TP73: variants seen among roughly 807,000 people sequenced by gnomAD.
The protein encoded by TP73 is tumor protein p73.
In TP73, 25 loss-of-function variants were observed where a neutral mutation model predicts 62.5. The observed-to-expected ratio is 0.40, with a 90% CI of 0.29 to 0.56. The LOEUF (loss-of-function observed/expected upper bound fraction) is 0.56, where lower values mean the gene tolerates loss of function less well. TP73 is among the 20% of genes least tolerant of loss of function. The pLI is 0.46. For synonymous variants in TP73, 423 were observed against 377.5 expected (o/e 1.12, Z -1.40); for missense variants, 754 against 913.3 (o/e 0.83, Z 2.25).
rs755215007 is a variant in TP73, at chr1:3,733,476, C to G, written c.*397C>G. Reference sequence around the variant, plus strand: ...CGAGGTCCTTCCAAAGGAAAGGATCCTCTTTGCTGATGGACTGCCAAAAAG... The same window carrying G: ...CGAGGTCCTTCCAAAGGAAAGGATCGTCTTTGCTGATGGACTGCCAAAAAG... On this transcript the variant is annotated 3_prime_UTR_variant, in exon 14 of 14. Transcript: ENST00000378295. 3 of 259,260 alleles carry G rather than the reference C, an allele frequency of 1.2e-5. No individual in the cohort carries two copies. The South Asian group carries it at 2.8e-4, about 24-fold the overall frequency. The allele number at this position is 259,260 out of a possible 1,614,324, so 16.1% of individuals were successfully genotyped here.
intron 4 of TP73, among the ~76,000 whole-genome samples, chr1:3,718,303 C>CG (rs1640781071): frequency 6.6e-6 from 1 of 152,200 alleles, no homozygotes; most frequent in South Asian, 2.1e-4. Flanking sequence ...AGTGCAGAGA[C>CG]GGGAGCACGC....
chr1:3,718,438 C>A (rs2124459701), intron 4 of TP73, among the ~76,000 whole-genome samples: 1 of 152,274 alleles, frequency 6.6e-6, no homozygotes, highest in South Asian at 2.1e-4. Context: ...CTCAGCAGGG[C>A]GCTGCTGAGA....
rs375387756 is a variant in TP73 at position 3,729,980 on chromosome 1, G to A, written c.1197-20G>A. ...AGGCTGCCTTGCTTCCCACCCATGC[G>A]AGCCGTTGCTTCTGAGCAGGAGTCA... On this transcript the variant is annotated intron_variant, in intron 10 of 13. Coordinates refer to ENST00000378295, the MANE Select transcript of TP73 (RefSeq NM_005427.4). The A allele has an allele frequency of 4.2e-5, 66 of 1,569,450 alleles. No individual in the cohort carries two copies. The African/African-American group carries it at 6.1e-4, about 14-fold the overall frequency.
chr1:3,702,220 C>T (rs1438409121), intron 3 of TP73, among the ~76,000 whole-genome samples: 1 of 152,164 alleles, frequency 6.6e-6, no homozygotes, highest in African/African-American at 2.4e-5. Context: ...CTCCCCCACA[C>T]TGCTCCTCTC....
intron 1 of TP73, among the ~76,000 whole-genome samples, chr1:3,653,005 CG>C (rs1644789015): frequency 6.6e-6 from 1 of 152,118 alleles, no homozygotes; most frequent in Admixed American, 6.5e-5. Context: ...GGGAAGAGGC[CG>C]GGGTGCGGGG....
rs115433433 is a variant in TP73 at position 3,731,373 on chromosome 1, G to C, written c.1485-90G>C. 1,831 of 1,344,898 alleles carry C rather than the reference G, an allele frequency of 1.4e-3. 19 individuals are homozygous for C. The African/African-American group carries it at 0.023, about 17-fold the overall frequency. The allele number at this position is 1,344,898 out of a possible 1,614,324, so 83.3% of individuals were successfully genotyped here. On this transcript the variant is annotated intron_variant, in intron 12 of 13. Coordinates refer to ENST00000378295, the MANE Select transcript of TP73 (RefSeq NM_005427.4). ...CCCTTCGGAGACAGCGGCAGTCTCC[G>C]CCCCAGCCAGGCCACTCTCAGAGAT...
intron 9 of TP73, among the ~76,000 whole-genome samples, chr1:3,728,946 C>A (rs1368935902): frequency 6.6e-6 from 1 of 152,142 alleles, no homozygotes; most frequent in Non-Finnish European, 1.5e-5. Context: ...TATGATGATG[C>A]CACTGCACTC....
At position 3,730,029 on chromosome 1, in the gene TP73, C is replaced by T. The variant is rs146810167; in HGVS notation, c.1226C>T (p.Pro409Leu). ...PSHLQPPSYGPVLSPMNKVHG... is the reference protein window; with the variant it reads ...PSHLQPPSYGLVLSPMNKVHG... ...CACCTACAGCCCCCGTCCTACGGGC[C>T]GGTCCTCTCGCCCATGAACAAGGTG... The change falls in exon 11 of 14, where the codon CCG becomes CTG. Residue 409 changes from proline to leucine, a missense_variant. Physicochemically the swap from Pro to Leu is moderately conservative, Grantham distance 98. This residue lies in a region of TP73 where 458 missense variants were observed against 528.7 expected (regional missense o/e 0.87). Coordinates refer to ENST00000378295, the MANE Select transcript of TP73 (RefSeq NM_005427.4). 5.0e-6 allele frequency: 8 copies of T among 1,608,786 alleles called. No individual in the cohort carries two copies. Among genetic ancestry groups the T allele is most frequent in the African/African-American group, 4.0e-5 (3 of 74,886 alleles).
intron 6 of TP73, among the ~76,000 whole-genome samples, chr1:3,724,756 C>T (rs1300291416): frequency 2.6e-5 from 4 of 152,362 alleles, no homozygotes; most frequent in African/African-American, 4.8e-5. Context: ...CAGTGGCTCA[C>T]GCCTGTAATC....
chr1:3,711,471 AG>A (rs1262153105), intron 4 of TP73, among the ~76,000 whole-genome samples: 1 of 152,266 alleles, frequency 6.6e-6, no homozygotes, highest in Non-Finnish European at 1.5e-5. Flanking sequence ...CTGTCAGAAC[AG>A]CCCGACGCGA....
chr1:3,665,897 G>C (rs1381238641), intron 1 of TP73, among the ~76,000 whole-genome samples: 1 of 148,736 alleles, frequency 6.7e-6, no homozygotes, highest in Non-Finnish European at 1.5e-5. Context: ...CACTTTGGGA[G>C]GCCAAGGCAG....
chr1:3,689,658 C>T (rs911508918), intron 3 of TP73, among the ~76,000 whole-genome samples: 2 of 152,132 alleles, frequency 1.3e-5, no homozygotes, highest in African/African-American at 4.8e-5. Flanking sequence ...AGGAAGGAAG[C>T]TGGGGAGATG....
At chr1:3,700,988 A>G (rs967734629) in intron 3 of TP73, among the ~76,000 whole-genome samples, 1 of 152,126 alleles carries the variant, frequency 6.6e-6, no homozygotes, top group Non-Finnish European at 1.5e-5. Context: ...CCCGCCCTCC[A>G]CATTCTGAGG....
rs1645258582 is a variant in TP73 at position 3,672,261 on chromosome 1, G to A, written c.-33-10072G>A. 6.6e-6 allele frequency among the ~76,000 whole-genome samples: 1 copy of A among 152,172 alleles called. No homozygotes were observed. Among genetic ancestry groups the A allele is most frequent in the South Asian group, 2.1e-4 (1 of 4,836 alleles). Reference sequence around the variant, plus strand: ...GCTTGAGAAGGGTCATTCTCTCTTGGTTGGAGGAGTGGAAGTGCTTCTCTG... The same window carrying A: ...GCTTGAGAAGGGTCATTCTCTCTTGATTGGAGGAGTGGAAGTGCTTCTCTG... On this transcript the variant is annotated intron_variant, in intron 1 of 13. Transcript: ENST00000378295. This position sits in a 1 kb window ranked among gnomAD's most constrained non-coding sequence, Gnocchi z 5.3.
chr1:3,686,347 A>T (rs1645655770), intron 3 of TP73, among the ~76,000 whole-genome samples: 1 of 152,166 alleles, frequency 6.6e-6, no homozygotes, highest in South Asian at 2.1e-4. Context: ...GCCGTGGGAG[A>T]CAGGCGGAGC....
intron 3 of TP73, among the ~76,000 whole-genome samples, chr1:3,705,969 C>T (rs2124379710): frequency 6.6e-6 from 1 of 152,340 alleles, no homozygotes; most frequent in African/African-American, 2.4e-5. Flanking sequence ...GCCTGGGAGT[C>T]CCGGCGAGGC....
chr1:3,714,444 G>A (rs1205433568), intron 4 of TP73: 3 of 152,412 alleles, frequency 2.0e-5, no homozygotes, highest in Non-Finnish European at 4.4e-5. Flanking sequence ...ACCAGTCAGG[G>A]TGGGGGTGAG....
At chr1:3,695,306 C>T (rs1238011605) in intron 3 of TP73, among the ~76,000 whole-genome samples, 3 of 152,178 alleles carry the variant, frequency 2.0e-5, no homozygotes, top group African/African-American at 4.8e-5. Context: ...TGGCCCCTTG[C>T]CCCCCACTTC....
intron 4 of TP73, among the ~76,000 whole-genome samples, chr1:3,712,685 C>T (rs894106981): frequency 6.6e-6 from 1 of 152,172 alleles, no homozygotes; most frequent in Non-Finnish European, 1.5e-5. Context: ...GGGGACAGCC[C>T]TGTGGACCCA....
Sources: gnomAD v4.1 joint callset for allele counts (sites outside exome capture counted in the v4.1 genomes callset) on GRCh38, gnomAD v4.1.1 for gene constraint, gnomAD v4.1.1 regional missense constraint, Gnocchi (gnomAD v3.1) non-coding constraint, MANE v1.5 for transcripts, NCBI Gene and HGNC (gene_info 2026-07-23, HGNC 2026-07-21) for gene names.